The following AGBL4 variants were observed in gnomAD, a reference collection of about 807,000 sequenced individuals.
AGBL4 encodes the protein cytosolic carboxypeptidase 6.
In AGBL4, 58 loss-of-function variants were observed where a neutral mutation model predicts 66.4. The ratio of observed to expected loss-of-function variants is 0.87; its 90% CI spans 0.71 to 1.09. The LOEUF (loss-of-function observed/expected upper bound fraction) is 1.09. AGBL4 is among the 50% of genes least tolerant of loss of function. The pLI is 0.00. For missense variants in AGBL4, 579 were observed against 631.0 expected (o/e 0.92, Z 0.88); for synonymous variants, 234 against 222.9 (o/e 1.05, Z -0.44).
chr1:49,657,306 T>C (rs1196139160), intron 3 of AGBL4, among the ~76,000 whole-genome samples: 1 of 152,168 alleles, frequency 6.6e-6, no homozygotes, highest in Admixed American at 6.5e-5. Context: ...ACAAGGGATG[T>C]GAAGGACCTC....
intron 3 of AGBL4, among the ~76,000 whole-genome samples, chr1:49,529,329 G>A (rs1650912737): frequency 6.6e-6 from 1 of 152,080 alleles, no homozygotes; most frequent in Admixed American, 6.6e-5. Flanking sequence ...TTGTATTACA[G>A]TTCAAAAGAT....
intron 1 of AGBL4, among the ~76,000 whole-genome samples, chr1:49,878,706 G>A (rs1647109716): frequency 6.6e-6 from 1 of 151,300 alleles, no homozygotes; most frequent in Admixed American, 6.6e-5. Flanking sequence ...TTCAATTCCT[G>A]GGTATCGTTG....
At chr1:48,770,047 G>A (rs562812441) in intron 6 of AGBL4, among the ~76,000 whole-genome samples, 1 of 152,240 alleles carries the variant, frequency 6.6e-6, no homozygotes, top group South Asian at 2.1e-4. Flanking sequence ...GTGACAGGGA[G>A]CTCAGCACCA....
intron 6 of AGBL4, among the ~76,000 whole-genome samples, chr1:48,804,799 C>T (rs1430052813): frequency 6.6e-6 from 1 of 152,160 alleles, no homozygotes; most frequent in African/African-American, 2.4e-5. Context: ...GAAACATGTG[C>T]TGCAGATGGT....
intron 8 of AGBL4, among the ~76,000 whole-genome samples, chr1:48,637,412 G>T (rs1292476600): frequency 6.6e-6 from 1 of 152,214 alleles, no homozygotes; most frequent in Non-Finnish European, 1.5e-5. Flanking sequence ...CCTGTTACTA[G>T]ATGGGGGGTT....
intron 4 of AGBL4, among the ~76,000 whole-genome samples, chr1:49,066,955 C>T (rs547364245): frequency 6.6e-6 from 1 of 152,212 alleles, no homozygotes; most frequent in African/African-American, 2.4e-5. Context: ...ACACATTCAG[C>T]ATCTTCTCCG....
At chr1:49,461,048 C>T (rs1197731348) in intron 3 of AGBL4, among the ~76,000 whole-genome samples, 2 of 151,630 alleles carry the variant, frequency 1.3e-5, no homozygotes, top group Non-Finnish European at 2.9e-5. Context: ...TTCATCTTGA[C>T]TTTAGATAGC....
At chr1:48,529,742 C>A (rs1320825409), downstream of AGBL4, among the ~76,000 whole-genome samples, 1 of 152,110 alleles carries the variant, frequency 6.6e-6, no homozygotes, top group Non-Finnish European at 1.5e-5. Flanking sequence ...TGATAGGGAA[C>A]CAGAGCTAGA....
At chr1:49,846,109 C>T (rs1646135750) in intron 2 of AGBL4, 3 of 1,513,224 alleles carry the variant, frequency 2.0e-6, no homozygotes, top group African/African-American at 1.4e-5. Context: ...GTAGCCAGAG[C>T]TCCCTTCTCA....
intron 5 of AGBL4, among the ~76,000 whole-genome samples, chr1:49,034,388 G>A (rs1664472197): frequency 6.6e-6 from 1 of 152,120 alleles, no homozygotes; most frequent in Non-Finnish European, 1.5e-5. Flanking sequence ...CAAACCCAGA[G>A]ATTGATATAA....
chr1:49,934,868 A>G (rs1653773816), intron 1 of AGBL4, among the ~76,000 whole-genome samples: 1 of 151,944 alleles, frequency 6.6e-6, no homozygotes, highest in Non-Finnish European at 1.5e-5. Context: ...ATGGCCGAAT[A>G]GGAACAGCTC....
At chr1:48,537,770 T>A (rs1643997304) in intron 12 of AGBL4, among the ~76,000 whole-genome samples, 1 of 152,226 alleles carries the variant, frequency 6.6e-6, no homozygotes. Flanking sequence ...AATTAACTTG[T>A]AAATGAGATT....
intron 11 of AGBL4, among the ~76,000 whole-genome samples, chr1:48,576,739 C>A (rs1644660097): frequency 1.3e-5 from 2 of 152,174 alleles, no homozygotes. Flanking sequence ...GGGTCGTTGA[C>A]ATAACAGGGC....
At chr1:49,544,925 T>C (rs964996929) in intron 3 of AGBL4, among the ~76,000 whole-genome samples, 8 of 152,352 alleles carry the variant, frequency 5.3e-5, no homozygotes, top group African/African-American at 1.7e-4. Flanking sequence ...TGTGAGCCTA[T>C]ACTATCTACT....
chr1:49,347,578 A>G (rs1645658900), intron 3 of AGBL4, among the ~76,000 whole-genome samples: 1 of 151,962 alleles, frequency 6.6e-6, no homozygotes, highest in South Asian at 2.1e-4. Flanking sequence ...ACTTGCTTTC[A>G]GCTGGGCGTG....
chr1:49,194,057 C>T (rs1370258807), intron 4 of AGBL4, among the ~76,000 whole-genome samples: 3 of 151,976 alleles, frequency 2.0e-5, no homozygotes, highest in African/African-American at 7.2e-5. Context: ...ATTTTTTGTC[C>T]ATGTTTCTTT....
chr1:49,316,449 C>T (rs1224613180), intron 3 of AGBL4, among the ~76,000 whole-genome samples: 1 of 151,644 alleles, frequency 6.6e-6, no homozygotes, highest in African/African-American at 2.4e-5. Flanking sequence ...GAAAAAAAAG[C>T]TCTCACAACC....
intron 6 of AGBL4, among the ~76,000 whole-genome samples, chr1:48,733,219 T>C (rs550176531): frequency 6.6e-6 from 1 of 152,198 alleles, no homozygotes; most frequent in South Asian, 2.1e-4. Context: ...TGATCAAATA[T>C]ATTTACATGA....
chr1:49,514,145 A>T (rs1167292), intron 3 of AGBL4, among the ~76,000 whole-genome samples: 24 of 150,756 alleles, frequency 1.6e-4, no homozygotes, highest in African/African-American at 5.9e-4. Flanking sequence ...TTTCTAGATA[A>T]ACAATCATGT....
Sources: allele counts gnomAD v4.1 joint callset (sites outside exome capture counted in the v4.1 genomes callset), GRCh38; gene constraint gnomAD v4.1.1; transcripts MANE v1.5; gene names NCBI Gene and HGNC (gene_info 2026-07-23, HGNC 2026-07-21).